CRACR2A: variants seen among roughly 807,000 people sequenced by gnomAD.
CRACR2A encodes EF-hand calcium-binding domain-containing protein 4B.
In CRACR2A, 79 loss-of-function variants were observed where a neutral mutation model predicts 90.5. The ratio of observed to expected loss-of-function variants is 0.87; its 90% CI spans 0.73 to 1.05. The LOEUF (loss-of-function observed/expected upper bound fraction) is 1.05, where lower values mean the gene tolerates loss of function less well. Among genes scored for constraint, CRACR2A ranks in the 50% least tolerant of loss-of-function variants. CRACR2A has a pLI of 0.00. For missense variants in CRACR2A, 823 were observed against 897.2 expected (o/e 0.92, Z 1.06); for synonymous variants, 338 against 356.7 (o/e 0.95, Z 0.59).
rs1867656506 is a variant in CRACR2A at position 3,615,330 on chromosome 12, T to G, written c.*25A>C. 1 of 1,548,614 alleles carries G rather than the reference T, an allele frequency of 6.5e-7. No individual in the cohort carries two copies. Among genetic ancestry groups the G allele is most frequent in the South Asian group, 1.2e-5 (1 of 84,024 alleles). ...GCAGGCTCTGTGACCTCAGGTTTGC[T>G]GGGGGCAGTCCTTGTAGGACCCTAT... On this transcript the variant is annotated 3_prime_UTR_variant, in exon 20 of 20. Transcript: ENST00000440314.
chr12:3,727,218 G>C (rs1463507384), intron 2 of CRACR2A: 1 of 150,890 alleles, frequency 6.6e-6, no homozygotes. Flanking sequence ...GAGAAGAAGA[G>C]GATGGATTGG....
chr12:3,678,764 C>A, intron 6 of CRACR2A, 151 bp downstream of exon 6: 1 of 734,356 alleles, frequency 1.4e-6, no homozygotes, highest in South Asian at 2.3e-5. Context: ...AGGACAGGCC[C>A]CCACTGGCAG....
chr12:3,640,731 C>T (rs1445633554), intron 13 of CRACR2A: 2 of 1,305,370 alleles, frequency 1.5e-6, no homozygotes, highest in African/African-American at 1.5e-5. Flanking sequence ...CAAGGTCTCT[C>T]TGGGTCTGAT....
intron 4 of CRACR2A, among the ~76,000 whole-genome samples, chr12:3,689,891 T>A (rs1379780286): frequency 6.6e-6 from 1 of 152,070 alleles, no homozygotes; most frequent in East Asian, 1.9e-4. Flanking sequence ...GGTGTATATG[T>A]CCAGGAATTT....
chr12:3,719,583 A>T (rs532247117), intron 2 of CRACR2A, among the ~76,000 whole-genome samples: 1 of 152,204 alleles, frequency 6.6e-6, no homozygotes, highest in Non-Finnish European at 1.5e-5. Flanking sequence ...GATGCTTTTC[A>T]TCAGAAGCCA....
chr12:3,745,820 TAAAATAAAG>T (rs1946611686), intron 1 of CRACR2A, among the ~76,000 whole-genome samples: 1 of 11,242 alleles, frequency 8.9e-5, no homozygotes, highest in African/African-American at 2.1e-4. Flanking sequence ...TAAAATAAAA[TAAAATAAAG>T]AAAGAAAAGA....
At chr12:3,621,987 C>A (rs1944152382) in intron 17 of CRACR2A, among the ~76,000 whole-genome samples, 1 of 152,116 alleles carries the variant, frequency 6.6e-6, no homozygotes, top group South Asian at 2.1e-4. Context: ...GGCACAGGGG[C>A]AGGGAGAGGA....
chr12:3,723,767 T>TC (rs943633541), intron 2 of CRACR2A, among the ~76,000 whole-genome samples: 9 of 152,262 alleles, frequency 5.9e-5, no homozygotes, highest in African/African-American at 2.2e-4. Flanking sequence ...ATCCAGGGGA[T>TC]CCCAAAGCTG....
In CRACR2A at chr12:3,746,178, T is replaced by A. The variant is rs1946622363; in HGVS notation, c.-387+6837A>T. On this transcript the variant is annotated intron_variant, in intron 1 of 19. Coordinates refer to ENST00000440314, the MANE Select transcript of CRACR2A (RefSeq NM_001144958.2). This position sits in a 1 kb window ranked among gnomAD's most constrained non-coding sequence, Gnocchi z 4.4. ...ACATCATTGGTTATTTTTCATATCA[T>A]CTCCTGCTATGAGCTAAATTATGTC... Among the ~76,000 whole-genome samples the A allele has an allele frequency of 6.6e-6, 1 of 152,226 alleles. No homozygotes were observed. Among genetic ancestry groups the A allele is most frequent in the Non-Finnish European group, 1.5e-5 (1 of 68,040 alleles).
chr12:3,745,834 A>T (rs1282331445), intron 1 of CRACR2A, among the ~76,000 whole-genome samples: 1 of 144,876 alleles, frequency 6.9e-6, no homozygotes, highest in Middle Eastern at 3.6e-3. Context: ...ATAAAGAAAG[A>T]AAAGAGAAGA....
intron 4 of CRACR2A, among the ~76,000 whole-genome samples, chr12:3,696,101 G>C (rs1226173291): frequency 2.6e-5 from 4 of 152,208 alleles, no homozygotes; most frequent in African/African-American, 9.6e-5. Context: ...AGTTTTATTG[G>C]AACACGGCAC....
chr12:3,745,986 T>G (rs1946619672), intron 1 of CRACR2A, among the ~76,000 whole-genome samples: 1 of 151,938 alleles, frequency 6.6e-6, no homozygotes, highest in African/African-American at 2.4e-5. Flanking sequence ...ATTCATGTCT[T>G]CAGAAGGGCA....
rs117742816 is a variant in CRACR2A, at chr12:3,706,291, G to A, written c.-37+6946C>T. ...CAGAGATGCTGAGCTGCGTCTCACA[G>A]GGCTGCTCTCTCCACCCCCGTGCAG... On this transcript the variant is annotated intron_variant, in intron 3 of 19. Coordinates refer to ENST00000440314, the MANE Select transcript of CRACR2A (RefSeq NM_001144958.2). Among the ~76,000 whole-genome samples, 13 of 152,326 alleles carry A rather than the reference G, an allele frequency of 8.5e-5. No individual in the cohort carries two copies. The East Asian group carries it at 2.5e-3, about 29-fold the overall frequency.
At chr12:3,634,158 G>A (rs1944420622) in intron 14 of CRACR2A, among the ~76,000 whole-genome samples, 1 of 152,152 alleles carries the variant, frequency 6.6e-6, no homozygotes, top group East Asian at 1.9e-4. Flanking sequence ...GGACAAGGTG[G>A]GGCGTTTGCA....
At chr12:3,742,553 T>C (rs1946544799) in intron 1 of CRACR2A, among the ~76,000 whole-genome samples, 1 of 152,088 alleles carries the variant, frequency 6.6e-6, no homozygotes, top group Admixed American at 6.5e-5. Flanking sequence ...CTGGGAGAAA[T>C]CTCACTTCCT....
intron 2 of CRACR2A, among the ~76,000 whole-genome samples, chr12:3,724,320 G>T (rs552617951): frequency 6.6e-6 from 1 of 152,312 alleles, no homozygotes; most frequent in African/African-American, 2.4e-5. Flanking sequence ...CACCCTCTAG[G>T]CTCCTGCTGA....
chr12:3,619,715 C>T (rs570485604), intron 17 of CRACR2A, among the ~76,000 whole-genome samples: 1 of 152,350 alleles, frequency 6.6e-6, no homozygotes, highest in Admixed American at 6.5e-5. Context: ...CAACAGGCTG[C>T]ATGCCTCCTT....
intron 6 of CRACR2A, among the ~76,000 whole-genome samples, chr12:3,675,961 C>A (rs772398359): frequency 1.3e-5 from 2 of 152,102 alleles, no homozygotes; most frequent in Non-Finnish European, 2.9e-5. Flanking sequence ...GAGAAGAGGA[C>A]CACTGAGAAA....
At chr12:3,706,594 G>A (rs1446899072) in intron 3 of CRACR2A, among the ~76,000 whole-genome samples, 13 of 152,146 alleles carry the variant, frequency 8.5e-5, no homozygotes, top group Non-Finnish European at 8.8e-5. Flanking sequence ...CAACTTACAT[G>A]TGTCAGCTAT....
Sources: gnomAD v4.1 joint callset for allele counts (sites outside exome capture counted in the v4.1 genomes callset) on GRCh38, gnomAD v4.1.1 for gene constraint, Gnocchi (gnomAD v3.1) non-coding constraint, MANE v1.5 for transcripts, NCBI Gene and HGNC (gene_info 2026-07-23, HGNC 2026-07-21) for gene names.